RIMKLB: variants seen among roughly 807,000 people sequenced by gnomAD.
The protein encoded by RIMKLB is ribosomal modification protein rimK like family member B.
In RIMKLB, 7 loss-of-function variants were observed where a neutral mutation model predicts 32.0. The ratio of observed to expected loss-of-function variants is 0.22; its 90% CI spans 0.12 to 0.41. The LOEUF (loss-of-function observed/expected upper bound fraction) is 0.41. Ranked by LOEUF, RIMKLB falls within the 10% of genes least tolerant of loss-of-function variation. RIMKLB has a pLI of 1.00. For synonymous variants in RIMKLB, 172 were observed against 185.1 expected (o/e 0.93, Z 0.57); for missense variants, 289 against 498.7 (o/e 0.58, Z 4.00).
chr12:8,754,799 G>GTATA, intron 5 of RIMKLB, among the ~76,000 whole-genome samples: 1 of 151,872 alleles, frequency 6.6e-6, no homozygotes, highest in East Asian at 1.9e-4. Flanking sequence ...ATGTATGTAT[G>GTATA]AGTGAGTGAA....
At chr12:8,746,074 C>G (rs746042432) in intron 2 of RIMKLB, among the ~76,000 whole-genome samples, 1 of 151,834 alleles carries the variant, frequency 6.6e-6, no homozygotes, top group Non-Finnish European at 1.5e-5. Context: ...TAGTTCCAGT[C>G]TACATTTCAA....
At chr12:8,781,405 A>G (rs771127874), downstream of RIMKLB, among the ~76,000 whole-genome samples, 27 of 152,220 alleles carry the variant, frequency 1.8e-4, no homozygotes, top group African/African-American at 5.8e-4. Context: ...GGGAGATAAC[A>G]AAGAGTATAA....
chr12:8,773,212 T>A, intron 5 of RIMKLB, 109 bp from the exon 6 acceptor site: 1 of 765,620 alleles, frequency 1.3e-6, no homozygotes, highest in African/African-American at 1.7e-5. Flanking sequence ...GAATAACGCC[T>A]TTGTTTTCAC....
chr12:8,686,134 G>A (rs2136544549), intron 1 of RIMKLB, among the ~76,000 whole-genome samples: 1 of 152,130 alleles, frequency 6.6e-6, no homozygotes, highest in African/African-American at 2.4e-5. Context: ...TAGAGACAGG[G>A]TTTCACCATG....
At chr12:8,704,446 T>C (rs1943671203) in intron 1 of RIMKLB, among the ~76,000 whole-genome samples, 1 of 152,068 alleles carries the variant, frequency 6.6e-6, no homozygotes, top group Non-Finnish European at 1.5e-5. Context: ...CACTTAAACA[T>C]GCTTATTTGT....
chr12:8,754,167 G>A, intron 5 of RIMKLB, 74 bp downstream of exon 5: 4 of 1,115,546 alleles, frequency 3.6e-6, no homozygotes, highest in Non-Finnish European at 4.1e-6. Flanking sequence ...TCATATGTAT[G>A]TAACTCTAGA....
At chr12:8,683,822 A>G (rs2136531198) in intron 1 of RIMKLB, among the ~76,000 whole-genome samples, 1 of 152,214 alleles carries the variant, frequency 6.6e-6, no homozygotes, top group Non-Finnish European at 1.5e-5. Flanking sequence ...ATCTCGGCTC[A>G]CTGCTACCTC....
the RIMKLB span, among the ~76,000 whole-genome samples, chr12:8,670,047 A>AAAT: frequency 1.7e-4 from 25 of 151,120 alleles, no homozygotes; most frequent in African/African-American, 5.6e-4. Context: ...AAAAAAAAAA[A>AAAT]AAAAGAAGGA....
intron 2 of RIMKLB, among the ~76,000 whole-genome samples, chr12:8,716,706 CT>C (rs1329411693): frequency 1.5e-5 from 2 of 134,956 alleles, no homozygotes; most frequent in African/African-American, 5.5e-5. Flanking sequence ...AGCCCTCTAG[CT>C]TTTTCTTTCT....
intron 3 of RIMKLB, among the ~76,000 whole-genome samples, chr12:8,751,060 T>C (rs1234770779): frequency 1.3e-5 from 2 of 152,226 alleles, no homozygotes; most frequent in East Asian, 3.8e-4. Flanking sequence ...ACGCAGTTTC[T>C]GTTTTTAGCA....
intron 5 of RIMKLB, among the ~76,000 whole-genome samples, chr12:8,769,808 T>C (rs1950260621): frequency 6.6e-6 from 1 of 152,222 alleles, no homozygotes; most frequent in African/African-American, 2.4e-5. Flanking sequence ...ATGAAGTCTT[T>C]GGAATACCTT....
chr12:8,708,976 T>G (rs1241431578), intron 1 of RIMKLB, among the ~76,000 whole-genome samples: 1 of 152,234 alleles, frequency 6.6e-6, no homozygotes, highest in African/African-American at 2.4e-5. Flanking sequence ...CTTGATGCAC[T>G]GGAGGAAATA....
intron 2 of RIMKLB, among the ~76,000 whole-genome samples, chr12:8,735,189 T>C (rs1946883579): frequency 6.6e-6 from 1 of 152,236 alleles, no homozygotes; most frequent in African/African-American, 2.4e-5. Flanking sequence ...GGGGTATTGC[T>C]GCCTACTTAT....
intron 2 of RIMKLB, among the ~76,000 whole-genome samples, chr12:8,748,776 A>T (rs1158199483): frequency 3.9e-5 from 6 of 151,926 alleles, no homozygotes; most frequent in African/African-American, 1.5e-4. Flanking sequence ...ATCTCTACTA[A>T]AAATACAAAA....
At chr12:8,736,336 A>T (rs893197724) in intron 2 of RIMKLB, among the ~76,000 whole-genome samples, 2 of 152,164 alleles carry the variant, frequency 1.3e-5, no homozygotes, top group East Asian at 3.9e-4. Context: ...TTTATTTTGA[A>T]ATAGTTGGAA....
At chr12:8,771,177 G>A (rs1361426382) in intron 5 of RIMKLB, among the ~76,000 whole-genome samples, 1 of 152,052 alleles carries the variant, frequency 6.6e-6, no homozygotes, top group Non-Finnish European at 1.5e-5. Context: ...GGACCAAAAG[G>A]GTATGATCTA....
chr12:8,702,924 G>GAACT (rs1290927872), intron 1 of RIMKLB, among the ~76,000 whole-genome samples: 1 of 152,178 alleles, frequency 6.6e-6, no homozygotes, highest in Non-Finnish European at 1.5e-5. Context: ...TTAAACCTAG[G>GAACT]AACTGTCTTC....
intron 5 of RIMKLB, among the ~76,000 whole-genome samples, chr12:8,764,347 C>T (rs1949778427): frequency 6.6e-6 from 1 of 152,160 alleles, no homozygotes; most frequent in South Asian, 2.1e-4. Flanking sequence ...GTTCCTTGTC[C>T]TATATTCAGG....
At chr12:8,757,957 T>C (rs1028635870) in intron 5 of RIMKLB, among the ~76,000 whole-genome samples, 5 of 151,824 alleles carry the variant, frequency 3.3e-5, no homozygotes, top group Admixed American at 2.6e-4. Flanking sequence ...CTTTTGTCTT[T>C]TTTTTTTTTT....
Sources: gnomAD v4.1 joint callset for allele counts (sites outside exome capture counted in the v4.1 genomes callset) on GRCh38, gnomAD v4.1.1 for gene constraint, MANE v1.5 for transcripts, NCBI Gene and HGNC (gene_info 2026-07-23, HGNC 2026-07-21) for gene names.